The following TNS3 variants were observed in gnomAD, a reference collection of about 807,000 sequenced individuals.
TNS3 encodes the protein tensin-3.
In TNS3, 45 loss-of-function variants were observed where a neutral mutation model predicts 140.9. The observed-to-expected ratio is 0.32, with a 90% CI of 0.25 to 0.41. The LOEUF is 0.41. TNS3 is among the 10% of genes least tolerant of loss of function. The probability of loss-of-function intolerance (pLI) is 1.00; values close to 1 mark genes in which losing one functional copy is unlikely to be tolerated. For synonymous variants in TNS3, 815 were observed against 788.4 expected (o/e 1.03, Z -0.56); for missense variants, 1,716 against 1,906.7 (o/e 0.90, Z 1.86).
intron 13 of TNS3, chr7:47,403,367 T>C (rs937873799): frequency 6.6e-6 from 1 of 152,250 alleles, no homozygotes; most frequent in Non-Finnish European, 1.5e-5. Context: ...AGGCCCCATA[T>C]GATTCTCCTG....
chr7:47,429,020 G>A (rs1235331359), intron 8 of TNS3, among the ~76,000 whole-genome samples: 2 of 152,120 alleles, frequency 1.3e-5, no homozygotes, highest in African/African-American at 4.8e-5. Context: ...TTCACCCAGG[G>A]CCACAGAGTG....
chr7:47,393,602 C>A (rs1311547680), intron 16 of TNS3, among the ~76,000 whole-genome samples: 2 of 152,132 alleles, frequency 1.3e-5, no homozygotes, highest in African/African-American at 2.4e-5. Context: ...CTTCAGATAT[C>A]ATCGAGGCTG....
At chr7:47,522,614 G>C (rs1340378911) in intron 2 of TNS3, among the ~76,000 whole-genome samples, 1 of 152,198 alleles carries the variant, frequency 6.6e-6, no homozygotes, top group Non-Finnish European at 1.5e-5. Flanking sequence ...TCTGAAACAT[G>C]GAATCCTGTA....
At chr7:47,307,961 T>C (rs761128376) in intron 20 of TNS3, among the ~76,000 whole-genome samples, 8 of 152,228 alleles carry the variant, frequency 5.3e-5, no homozygotes, top group Non-Finnish European at 8.8e-5. Context: ...GTCCAGTTTA[T>C]CAATTTGTTC....
intron 1 of TNS3, among the ~76,000 whole-genome samples, chr7:47,547,324 G>A (rs975940288): frequency 1.3e-5 from 2 of 152,148 alleles, no homozygotes; most frequent in Admixed American, 6.6e-5. Context: ...GGCCTGTGTC[G>A]GGGAGTGGAA....
chr7:47,381,027 G>A (rs1791724858), intron 16 of TNS3, among the ~76,000 whole-genome samples: 1 of 152,196 alleles, frequency 6.6e-6, no homozygotes, highest in Non-Finnish European at 1.5e-5. Flanking sequence ...GTAAATAAGA[G>A]GGTGGGGTTT....
chr7:47,337,717 T>A (rs1056314395), intron 20 of TNS3, among the ~76,000 whole-genome samples: 2 of 152,200 alleles, frequency 1.3e-5, no homozygotes, highest in Non-Finnish European at 2.9e-5. Context: ...TGAGGTTCAG[T>A]AATGACCTCA....
intron 1 of TNS3, chr7:47,557,250 CCT>C: frequency 2.4e-6 from 1 of 413,482 alleles, no homozygotes; most frequent in South Asian, 1.7e-5. Context: ...TTTCGTCTTT[CCT>C]CAGGGTGCAG....
intron 4 of TNS3, among the ~76,000 whole-genome samples, chr7:47,468,268 C>A (rs535249977): frequency 6.6e-6 from 1 of 152,162 alleles, no homozygotes; most frequent in South Asian, 2.1e-4. Flanking sequence ...TGATGAAACC[C>A]CGTCTCTAGT....
chr7:47,470,717 C>T, intron 4 of TNS3: 2 of 946,574 alleles, frequency 2.1e-6, no homozygotes, highest in Non-Finnish European at 2.5e-6. Context: ...CCCAGGCCTC[C>T]TAGCCGGAGT....
chr7:47,420,159 G>C (rs1794297862), intron 10 of TNS3, among the ~76,000 whole-genome samples: 1 of 152,180 alleles, frequency 6.6e-6, no homozygotes, highest in Non-Finnish European at 1.5e-5. Context: ...TCAGGCACCT[G>C]AGGTACTGTG....
At chr7:47,288,445 A>G (rs1785531538) in intron 27 of TNS3, among the ~76,000 whole-genome samples, 1 of 152,266 alleles carries the variant, frequency 6.6e-6, no homozygotes, top group Non-Finnish European at 1.5e-5. Context: ...TCAAAATTTC[A>G]AATACATTTT....
Position 47,453,213 on chromosome 7 carries a change from C to A in TNS3, c.-75-11158G>T, listed in dbSNP as rs749800835. 6.1e-6 allele frequency: 6 copies of A among 985,440 alleles called. No individual in the cohort carries two copies. The South Asian group carries it at 1.9e-4, about 31-fold the overall frequency. The allele number at this position is 985,440 out of a possible 1,614,324, so 61.0% of individuals were successfully genotyped here. On this transcript the variant is annotated intron_variant, in intron 4 of 30. Transcript: ENST00000311160. Reference sequence around the variant, plus strand: ...TGGAGCTCACAGGACAATGTCCGCCCGGGGCTGAGGGCCAGCCTGCCGAGG... The same window carrying A: ...TGGAGCTCACAGGACAATGTCCGCCAGGGGCTGAGGGCCAGCCTGCCGAGG...
chr7:47,343,332 C>A (rs149412605), intron 20 of TNS3, among the ~76,000 whole-genome samples: 193 of 152,338 alleles, frequency 1.3e-3, no homozygotes, highest in African/African-American at 4.5e-3. Context: ...TCCACATTCT[C>A]TTATGCTCAA....
intron 20 of TNS3, among the ~76,000 whole-genome samples, chr7:47,326,458 CT>C (rs1788029565): frequency 6.6e-6 from 1 of 152,126 alleles, no homozygotes; most frequent in Admixed American, 6.5e-5. Context: ...GACAAGGAAC[CT>C]TCTGCACAGG....
intron 16 of TNS3, among the ~76,000 whole-genome samples, chr7:47,375,869 A>G (rs754772758): frequency 1.3e-5 from 2 of 152,222 alleles, no homozygotes; most frequent in Non-Finnish European, 2.9e-5. Context: ...TTCCAACAGA[A>G]GTTGGTTTGA....
At chr7:47,518,462 A>G (rs564249444) in intron 2 of TNS3, among the ~76,000 whole-genome samples, 8 of 152,180 alleles carry the variant, frequency 5.3e-5, no homozygotes, top group Non-Finnish European at 2.9e-5. Flanking sequence ...AAACTCTTGA[A>G]GTTTTCATCC....
chr7:47,557,951 G>A (rs1333862615), intron 1 of TNS3, among the ~76,000 whole-genome samples: 1 of 152,224 alleles, frequency 6.6e-6, no homozygotes, highest in Non-Finnish European at 1.5e-5. Flanking sequence ...TAGAAGGCCT[G>A]CGGTGAGCAG....
chr7:47,578,786 C>T (rs1054789662), intron 1 of TNS3, among the ~76,000 whole-genome samples: 3 of 152,190 alleles, frequency 2.0e-5, no homozygotes, highest in African/African-American at 7.2e-5. Flanking sequence ...TCTGCTTTTA[C>T]GAGAAACGGA....
Sources: gnomAD v4.1 joint callset for allele counts (sites outside exome capture counted in the v4.1 genomes callset) on GRCh38, gnomAD v4.1.1 for gene constraint, MANE v1.5 for transcripts, NCBI Gene and HGNC (gene_info 2026-07-23, HGNC 2026-07-21) for gene names.